RARB: variants seen among roughly 807,000 people sequenced by gnomAD.
RARB encodes retinoic acid receptor beta.
In RARB, 17 loss-of-function variants were observed where a neutral mutation model predicts 51.9. That is an observed-to-expected ratio of 0.33 (90% CI 0.22 to 0.49). The LOEUF (loss-of-function observed/expected upper bound fraction) is 0.49, where lower values mean the gene tolerates loss of function less well. Ranked by LOEUF, RARB falls within the 20% of genes least tolerant of loss-of-function variation. The probability of loss-of-function intolerance (pLI) is 0.99; values close to 1 mark genes in which losing one functional copy is unlikely to be tolerated. For missense variants in RARB, 369 were observed against 550.8 expected (o/e 0.67, Z 3.30); for synonymous variants, 215 against 195.4 (o/e 1.10, Z -0.84).
At chr3:25,235,810 A>T (rs1559517308) in intron 5 of RARB, among the ~76,000 whole-genome samples, 1 of 152,178 alleles carries the variant, frequency 6.6e-6, no homozygotes, top group African/African-American at 2.4e-5. Flanking sequence ...TGTGCATTAA[A>T]ATAGAAATAG....
At chr3:25,065,777 C>T (rs1204283394) in intron 3 of RARB, among the ~76,000 whole-genome samples, 2 of 152,162 alleles carry the variant, frequency 1.3e-5, no homozygotes, top group African/African-American at 4.8e-5. Flanking sequence ...AGAATGATGT[C>T]AAAGGGCTCA....
At chr3:25,190,878 T>C (rs1030861206) in intron 5 of RARB, among the ~76,000 whole-genome samples, 4 of 151,880 alleles carry the variant, frequency 2.6e-5, no homozygotes, top group Non-Finnish European at 5.9e-5. Flanking sequence ...AGATGTGCCA[T>C]CAAAAAAAAT....
chr3:24,915,776 A>C (rs1695094830), intron 2 of RARB, among the ~76,000 whole-genome samples: 2 of 152,110 alleles, frequency 1.3e-5, no homozygotes, highest in African/African-American at 2.4e-5. Context: ...GGGAATGCTA[A>C]TATGTTGATC....
intron 2 of RARB, among the ~76,000 whole-genome samples, chr3:24,968,475 T>C (rs926432767): frequency 6.6e-6 from 1 of 152,132 alleles, no homozygotes; most frequent in African/African-American, 2.4e-5. Flanking sequence ...ACCATTTATT[T>C]AGCTTATGAT....
chr3:25,392,446 T>C (rs561266379), intron 5 of RARB, among the ~76,000 whole-genome samples: 8 of 152,276 alleles, frequency 5.3e-5, no homozygotes, highest in African/African-American at 1.9e-4. Flanking sequence ...GGTATTTTGA[T>C]GGGATTTACA....
chr3:25,252,949 C>A (rs1045954092), intron 5 of RARB, among the ~76,000 whole-genome samples: 10 of 152,126 alleles, frequency 6.6e-5, no homozygotes, highest in Non-Finnish European at 2.9e-5. Context: ...TGAGCAGAGT[C>A]TCTATGAAGG....
chr3:25,049,249 G>C (rs1243468567), intron 2 of RARB, among the ~76,000 whole-genome samples: 3 of 152,156 alleles, frequency 2.0e-5, no homozygotes, highest in Admixed American at 1.3e-4. Context: ...GGCTTCAAAA[G>C]GCAGGCTGAA....
rs386396163 is a variant in RARB, at chr3:24,912,975, C to CTTTTTTTTTTTTTTT, written c.-380+54231_-380+54245dup. Among the ~76,000 whole-genome samples the CTTTTTTTTTTTTTTT allele has an allele frequency of 6.1e-4, 46 of 75,044 alleles. 7 individuals carry two copies. The highest frequency in any genetic ancestry group is 1.2e-3 in the East Asian group (3 of 2,434). 49.2% of individuals were successfully genotyped at this position (75,044 alleles called of 152,430 possible). ...GCAATACGCACACAAGGTACTGATT[C>CTTTTTTTTTTTTTTT]TTTTTTTTTTTTTTTTTTTTTTGGA... On this transcript the variant is annotated intron_variant, in intron 2 of 11. Transcript: ENST00000383772.
chr3:25,263,986 G>C (rs1207205157), intron 5 of RARB, among the ~76,000 whole-genome samples: 1 of 152,128 alleles, frequency 6.6e-6, no homozygotes, highest in East Asian at 1.9e-4. Flanking sequence ...AGGGATATCA[G>C]GAGGTTGTTT....
chr3:25,401,602 A>G (rs1004066029), intron 5 of RARB, among the ~76,000 whole-genome samples: 14 of 152,198 alleles, frequency 9.2e-5, no homozygotes, highest in African/African-American at 3.4e-4. Context: ...GAAATTTCAG[A>G]ACTGAAATGT....
At chr3:25,248,043 A>G (rs1027690189) in intron 5 of RARB, among the ~76,000 whole-genome samples, 1 of 152,142 alleles carries the variant, frequency 6.6e-6, no homozygotes, top group African/African-American at 2.4e-5. Context: ...TGTTTTATGT[A>G]TCTGGATGCT....
intron 1 of RARB, among the ~76,000 whole-genome samples, chr3:24,845,927 T>C (rs1383142669): frequency 6.6e-6 from 1 of 152,238 alleles, no homozygotes; most frequent in Non-Finnish European, 1.5e-5. Flanking sequence ...CCTGTGCTTT[T>C]ACGGTTTACA....
chr3:25,544,580 C>T (rs1699532924), intron 3 of RARB, among the ~76,000 whole-genome samples: 1 of 152,184 alleles, frequency 6.6e-6, no homozygotes, highest in African/African-American at 2.4e-5. Context: ...AAAAATCCTC[C>T]TCCTCTTCCT....
chr3:25,040,553 T>C (rs1017334708), intron 2 of RARB, among the ~76,000 whole-genome samples: 1 of 152,074 alleles, frequency 6.6e-6, no homozygotes, highest in South Asian at 2.1e-4. Context: ...GCCAACATGG[T>C]GAAACCTCAT....
Position 24,961,202 on chromosome 3 carries a change from A to T in RARB, c.-379-98923A>T, listed in dbSNP as rs1356419563. ...AAATTTTAGTTGAGACACCAAAGAG[A>T]TTCTGTTGTTCAATTAAAAAAATAA... On this transcript the variant is annotated intron_variant, in intron 2 of 11. Coordinates refer to the RARB transcript ENST00000383772. Among the ~76,000 whole-genome samples the T allele has an allele frequency of 2.0e-5, 3 of 152,228 alleles. No individual in the cohort carries two copies. The East Asian group carries it at 5.8e-4, about 29-fold the overall frequency.
Position 24,864,201 on chromosome 3 carries a change from A to C in RARB, c.-380+5449A>C, listed in dbSNP as rs149754515. ...TCTGATTGCAGGCATGATGGCATTC[A>C]AGTTGTATAACACGGCAGGGGCTGG... On this transcript the variant is annotated intron_variant, in intron 2 of 11. Coordinates refer to the RARB transcript ENST00000383772. 5.3e-4 allele frequency among the ~76,000 whole-genome samples: 80 copies of C among 152,258 alleles called. 1 individual carries two copies. Among genetic ancestry groups the C allele is most frequent in the East Asian group, 1.7e-3 (9 of 5,170 alleles).
At chr3:25,148,402 T>G (rs1700228649) in intron 4 of RARB, among the ~76,000 whole-genome samples, 1 of 152,238 alleles carries the variant, frequency 6.6e-6, no homozygotes, top group South Asian at 2.1e-4. Context: ...CTTGATATGT[T>G]ACAAAATCAT....
intron 3 of RARB, among the ~76,000 whole-genome samples, chr3:25,512,300 T>G (rs368362834): frequency 2.2e-3 from 329 of 152,228 alleles, no homozygotes; most frequent in African/African-American, 7.5e-3. Context: ...GTCCCTTTAC[T>G]CAAAACAAGA....
chr3:24,941,029 A>G lies in RARB; in HGVS notation c.-380+82277A>G, dbSNP rs1695654862. Among the ~76,000 whole-genome samples the G allele has an allele frequency of 2.0e-5, 3 of 152,152 alleles. No individual in the cohort carries two copies. In the South Asian group the frequency reaches 6.2e-4, roughly 32 times the overall value. On this transcript the variant is annotated intron_variant, in intron 2 of 11. Transcript: ENST00000383772. ...GAATCGTTTACCATCCTATATTGAA[A>G]TAGAACTCCCTTTCCATTACTATTA...
Sources: allele counts gnomAD v4.1 joint callset (sites outside exome capture counted in the v4.1 genomes callset), GRCh38; gene constraint gnomAD v4.1.1; transcripts MANE v1.5; gene names NCBI Gene and HGNC (gene_info 2026-07-23, HGNC 2026-07-21).